Variants in EFCAB6 observed in about 807,000 individuals in gnomAD.
EFCAB6 encodes the protein EF-hand calcium-binding domain-containing protein 6.
Under a neutral mutation model 169.8 loss-of-function variants are expected in EFCAB6, and 156 were observed. The observed-to-expected ratio is 0.92, with a 90% confidence interval of 0.81 to 1.05. The LOEUF is 1.05. EFCAB6 is among the 50% of genes least tolerant of loss of function. The probability of loss-of-function intolerance (pLI) is 0.00; values close to 1 mark genes in which losing one functional copy is unlikely to be tolerated. For missense variants in EFCAB6, 1,800 were observed against 1,829.1 expected, an observed-to-expected ratio of 0.98 and a Z score of 0.29; for synonymous variants, 698 against 676.4, an observed-to-expected ratio of 1.03 and a Z score of -0.50.
chr22:43,579,738 C>T (rs1331972310), intron 25 of EFCAB6, among the ~76,000 whole-genome samples: 2 of 151,458 alleles, frequency 1.3e-5, no homozygotes, highest in Non-Finnish European at 2.9e-5. Context: ...AGGCATCATT[C>T]CCTACACACA....
At chr22:43,598,183 G>C (rs545987452) in intron 23 of EFCAB6, among the ~76,000 whole-genome samples, 2 of 151,526 alleles carry the variant, frequency 1.3e-5, no homozygotes, top group Non-Finnish European at 1.5e-5. Context: ...GGTGTGTACC[G>C]GTAGTCCCAG....
chr22:43,742,649 G>C (rs369008036), intron 6 of EFCAB6, among the ~76,000 whole-genome samples: 1 of 152,240 alleles, frequency 6.6e-6, no homozygotes, highest in East Asian at 1.9e-4. Context: ...CTCCTGGCCA[G>C]AGACCTGGTC....
Position 43,543,484 on chromosome 22 carries a change from ACT to A in EFCAB6, c.3649-3129_3649-3128del, listed in dbSNP as rs1470030494. 2.6e-5 allele frequency among the ~76,000 whole-genome samples: 4 copies of A among 151,948 alleles called. No individual in the cohort carries two copies. The South Asian group carries it at 6.2e-4, about 24-fold the overall frequency. ...TTAAGCTGCTGGGGAAACCCACTCA[ACT>A]CTCTGCCTCTAGGACAGGGGTAAGA... On this transcript the variant is annotated intron_variant, in intron 27 of 31. Transcript: ENST00000262726.
intron 21 of EFCAB6, among the ~76,000 whole-genome samples, chr22:43,610,005 G>T (rs925042811): frequency 6.6e-6 from 1 of 152,120 alleles, no homozygotes; most frequent in Admixed American, 6.5e-5. Context: ...AATGAGACTG[G>T]GTCCCTGCCT....
chr22:43,804,113 A>G (rs1425975432), intron 2 of EFCAB6, among the ~76,000 whole-genome samples: 1 of 152,248 alleles, frequency 6.6e-6, no homozygotes, highest in East Asian at 1.9e-4. Context: ...AGTAGAAATC[A>G]TATCAAGTAT....
rs570418211 is a variant in EFCAB6 at position 43,697,765 on chromosome 22, T to C, written c.1032-10184A>G. 3.3e-5 allele frequency among the ~76,000 whole-genome samples: 5 copies of C among 152,170 alleles called. No individual in the cohort carries two copies. The East Asian group carries it at 9.7e-4, about 29-fold the overall frequency. On this transcript the variant is annotated intron_variant, in intron 10 of 31. Transcript: ENST00000262726. ...ATGGGGAACCAAGTATCATTCCCAG[T>C]CCCTCTTTCCCATCCTATGAATCCA...
At chr22:43,747,598 C>A (rs145377292) in intron 6 of EFCAB6, among the ~76,000 whole-genome samples, 1 of 152,298 alleles carries the variant, frequency 6.6e-6, no homozygotes, top group Non-Finnish European at 1.5e-5. Flanking sequence ...GGAGTGCCTA[C>A]GTCCTCCCCG....
intron 4 of EFCAB6, among the ~76,000 whole-genome samples, chr22:43,771,785 G>A (rs1569481065): frequency 1.3e-5 from 2 of 152,064 alleles, no homozygotes; most frequent in Non-Finnish European, 1.5e-5. Context: ...ACCCTTCACC[G>A]GCTCCCTACA....
At chr22:43,562,142 A>G (rs980270193) in intron 26 of EFCAB6, among the ~76,000 whole-genome samples, 1 of 152,192 alleles carries the variant, frequency 6.6e-6, no homozygotes, top group African/African-American at 2.4e-5. Flanking sequence ...ACGTGTTTTC[A>G]AGGGGTTTTA....
At chr22:43,726,276 CAAA>C (rs3994547) in intron 8 of EFCAB6, among the ~76,000 whole-genome samples, 9,376 of 59,584 alleles carry the variant, frequency 0.16, 450 homozygotes, top group Non-Finnish European at 0.17. Flanking sequence ...AAAAATTCAC[CAAA>C]AAAAAAAAAA....
At chr22:43,599,100 C>T (rs181679172) in intron 23 of EFCAB6, among the ~76,000 whole-genome samples, 1 of 152,170 alleles carries the variant, frequency 6.6e-6, no homozygotes, top group East Asian at 1.9e-4. Flanking sequence ...AACGTAATGG[C>T]CTGTTAGCCC....
chr22:43,612,853 C>T lies in EFCAB6; in HGVS notation c.2562+2973G>A, dbSNP rs143507437. On this transcript the variant is annotated intron_variant, in intron 21 of 31. Transcript: ENST00000262726. ...AGGTTGCAGTGAGCCTAGATCATGCCACTGCACTCCAGCCTGGCAGACAGA... is the reference window on the plus strand; with the variant it reads ...AGGTTGCAGTGAGCCTAGATCATGCTACTGCACTCCAGCCTGGCAGACAGA... 6.8e-4 allele frequency among the ~76,000 whole-genome samples: 103 copies of T among 150,948 alleles called. No homozygotes were observed. In the East Asian group the frequency reaches 0.02, roughly 29 times the overall value.
intron 8 of EFCAB6, among the ~76,000 whole-genome samples, chr22:43,731,040 G>T (rs1026040331): frequency 1.3e-5 from 2 of 152,128 alleles, no homozygotes; most frequent in Non-Finnish European, 2.9e-5. Flanking sequence ...TCTTATTTAA[G>T]GTGAGGAAAA....
At chr22:43,792,121 CATCAG>C (rs2062316814) in intron 2 of EFCAB6, among the ~76,000 whole-genome samples, 1 of 152,126 alleles carries the variant, frequency 6.6e-6, no homozygotes, top group Non-Finnish European at 1.5e-5. Flanking sequence ...GAAGTCAGGT[CATCAG>C]CAGCGAGTGA....
intron 7 of EFCAB6, among the ~76,000 whole-genome samples, chr22:43,733,812 G>A (rs890526898): frequency 4.5e-4 from 68 of 151,996 alleles, no homozygotes; most frequent in African/African-American, 1.6e-3. Context: ...GGGTTCAAGC[G>A]ATTCTCCTGC....
intron 10 of EFCAB6, among the ~76,000 whole-genome samples, chr22:43,708,358 A>G (rs1295348957): frequency 6.6e-6 from 1 of 152,080 alleles, no homozygotes; most frequent in Admixed American, 6.5e-5. Flanking sequence ...GTGAGCTGAG[A>G]TCACGCTCCA....
intron 2 of EFCAB6, among the ~76,000 whole-genome samples, chr22:43,807,042 C>T (rs575075160): frequency 6.6e-6 from 1 of 152,298 alleles, no homozygotes; most frequent in South Asian, 2.1e-4. Flanking sequence ...GCTTCCAGAC[C>T]TTTATGTTGG....
Position 43,665,552 on chromosome 22 carries a change from C to T in EFCAB6, c.1983+1552G>A, listed in dbSNP as rs183113872. Among the ~76,000 whole-genome samples, 1,141 of 152,278 alleles carry T rather than the reference C, an allele frequency of 7.5e-3. 15 individuals are homozygous for T. The highest frequency in any genetic ancestry group is 0.026 in the African/African-American group (1,074 of 41,550). ...TCATTATGCATTACGGACAAGGACC[C>T]GTGCCACGTAGCTCAGGGTGAAATA... is the stretch of plus-strand genomic sequence containing the variant. On this transcript the variant is annotated intron_variant, in intron 17 of 31. Transcript: ENST00000262726.
At chr22:43,685,147 C>T (rs1310944797) in intron 11 of EFCAB6, among the ~76,000 whole-genome samples, 1 of 152,120 alleles carries the variant, frequency 6.6e-6, no homozygotes, top group Non-Finnish European at 1.5e-5. Flanking sequence ...TTGCTATTGT[C>T]GTTATTTGGA....
Sources: allele counts gnomAD v4.1 joint callset (sites outside exome capture counted in the v4.1 genomes callset), GRCh38; gene constraint gnomAD v4.1.1; transcripts MANE v1.5; gene names NCBI Gene and HGNC (gene_info 2026-07-23, HGNC 2026-07-21).